Variants in FZD3 observed in about 807,000 individuals in gnomAD.
FZD3 encodes the protein frizzled class receptor 3.
A neutral mutation model predicts 60.7 loss-of-function variants in FZD3; 30 were observed. The ratio of observed to expected loss-of-function variants is 0.49; its 90% confidence interval spans 0.37 to 0.67. The LOEUF (loss-of-function observed/expected upper bound fraction) is 0.67, where lower values mean the gene tolerates loss of function less well. Among genes scored for constraint, FZD3 ranks in the 30% least tolerant of loss-of-function variants. The pLI is 0.00. For synonymous variants in FZD3, 246 were observed against 275.2 expected, an observed-to-expected ratio of 0.89 and a Z score of 1.05; for missense variants, 605 against 838.7, an observed-to-expected ratio of 0.72 and a Z score of 3.44.
chr8:28,546,353 A>C (rs1183219372), intron 5 of FZD3, among the ~76,000 whole-genome samples: 4 of 152,248 alleles, frequency 2.6e-5, no homozygotes, highest in Non-Finnish European at 5.9e-5. Context: ...AGATGCTGCA[A>C]ATCAGGGCTT....
At chr8:28,559,490 A>G (rs1805576844) in intron 7 of FZD3, among the ~76,000 whole-genome samples, 1 of 152,172 alleles carries the variant, frequency 6.6e-6, no homozygotes, top group Non-Finnish European at 1.5e-5. Flanking sequence ...CTAGGCATAT[A>G]TATATATAGT....
intron 4 of FZD3, among the ~76,000 whole-genome samples, chr8:28,524,473 T>C (rs935324697): frequency 6.6e-6 from 1 of 152,254 alleles, no homozygotes; most frequent in Non-Finnish European, 1.5e-5. Flanking sequence ...TCTGTATCAC[T>C]TAACTTTAAA....
At chr8:28,522,099 C>T (rs1804595415) in intron 4 of FZD3, among the ~76,000 whole-genome samples, 1 of 148,920 alleles carries the variant, frequency 6.7e-6, no homozygotes, top group Admixed American at 6.7e-5. Context: ...TTTCTTTTCT[C>T]TTCTCTTTTT....
At chr8:28,526,725 T>C (rs965277218) in intron 4 of FZD3, among the ~76,000 whole-genome samples, 5 of 152,210 alleles carry the variant, frequency 3.3e-5, no homozygotes, top group Admixed American at 1.3e-4. Context: ...AAGTTATGTA[T>C]GTGTTTGGCA....
chr8:28,530,089 C>CTGTGTGTGTGTGTGTG (rs59022036), intron 5 of FZD3, among the ~76,000 whole-genome samples: 1 of 138,594 alleles, frequency 7.2e-6, no homozygotes, highest in African/African-American at 2.7e-5. Flanking sequence ...TGAAATATAT[C>CTGTGTGTGTGTGTGTG]TGTGTGTGTG....
At chr8:28,555,605 T>C (rs1221666565) in intron 6 of FZD3, 133 bp from the exon 7 acceptor site, 2 of 633,480 alleles carry the variant, frequency 3.2e-6, no homozygotes, top group African/African-American at 3.7e-5. Flanking sequence ...ACAATGTTTC[T>C]TCATGTCAGT....
chr8:28,524,055 C>T (rs1804653969), intron 4 of FZD3, among the ~76,000 whole-genome samples: 1 of 152,112 alleles, frequency 6.6e-6, no homozygotes, highest in South Asian at 2.1e-4. Context: ...ACTTCCCAGC[C>T]TCTAGAGCTG....
At chr8:28,538,438 G>A (rs1805076753) in intron 5 of FZD3, among the ~76,000 whole-genome samples, 1 of 152,046 alleles carries the variant, frequency 6.6e-6, no homozygotes, top group Admixed American at 6.6e-5. Context: ...AGCCCAGTAA[G>A]TTATATTGTA....
rs1805661290 is a variant in FZD3, at chr8:28,563,951, T to C, written c.*940T>C. 1 of 152,698 alleles carries C rather than the reference T, an allele frequency of 6.5e-6. No homozygotes were observed. The highest frequency in any genetic ancestry group is 1.5e-5 in the Non-Finnish European group (1 of 68,054). The allele number at this position is 152,698 out of a possible 1,614,324, so 9.5% of individuals were successfully genotyped here. On this transcript the variant is annotated 3_prime_UTR_variant, in exon 8 of 8. Transcript: ENST00000240093. ...TGTATTTTTCTACAGTGAGATGTGA[T>C]CTTGCCAAAGCCACCAGACCTTGGC... is the stretch of plus-strand genomic sequence containing the variant.
intron 5 of FZD3, among the ~76,000 whole-genome samples, chr8:28,534,646 A>G (rs1766244739): frequency 6.6e-6 from 1 of 152,206 alleles, no homozygotes; most frequent in Admixed American, 6.5e-5. Flanking sequence ...GTCAACTACC[A>G]TTCTACTTTG....
chr8:28,570,587 T>C lies in FZD3; in HGVS notation c.*7576T>C, dbSNP rs13279049. ...TTGCAGTGAGCTGAGATCGCACCGC[T>C]GCACTCCAGCCTGGGCAACGGAGCG... is the stretch of plus-strand genomic sequence containing the variant. On this transcript the variant is annotated 3_prime_UTR_variant, in exon 8 of 8. Coordinates refer to ENST00000240093, the MANE Select transcript of FZD3 (RefSeq NM_017412.4). 0.54 allele frequency: 79,600 copies of C among 148,352 alleles called. 21,663 individuals carry two copies. The highest frequency in any genetic ancestry group is 0.63 in the South Asian group (2,966 of 4,688). 9.2% of individuals were successfully genotyped at this position (148,352 alleles called of 1,614,324 possible).
chr8:28,557,914 G>T (rs1805541823), intron 7 of FZD3, among the ~76,000 whole-genome samples: 1 of 152,200 alleles, frequency 6.6e-6, no homozygotes, highest in Non-Finnish European at 1.5e-5. Flanking sequence ...GGTGCATTGG[G>T]ATCTCAGAGA....
chr8:28,508,310 A>T (rs1804194900), intron 3 of FZD3, among the ~76,000 whole-genome samples: 1 of 152,090 alleles, frequency 6.6e-6, no homozygotes, highest in Non-Finnish European at 1.5e-5. Context: ...CAATTTCTTT[A>T]GGAAGCTCTG....
chr8:28,500,917 C>T (rs924965589), intron 2 of FZD3, among the ~76,000 whole-genome samples: 2 of 152,158 alleles, frequency 1.3e-5, no homozygotes, highest in East Asian at 3.9e-4. Context: ...CCTGCCACCA[C>T]GCCTGGCTAA....
intron 2 of FZD3, among the ~76,000 whole-genome samples, chr8:28,502,135 A>T (rs1314044794): frequency 1.3e-5 from 2 of 152,212 alleles, no homozygotes; most frequent in East Asian, 3.8e-4. Flanking sequence ...TTCTAGGTAC[A>T]TAGAAGTTAA....
intron 4 of FZD3, among the ~76,000 whole-genome samples, chr8:28,524,710 ACT>A (rs1467626755): frequency 6.6e-6 from 1 of 151,574 alleles, no homozygotes; most frequent in Non-Finnish European, 1.5e-5. Flanking sequence ...ACCTATTTTA[ACT>A]CTTATTTATA....
intron 2 of FZD3, among the ~76,000 whole-genome samples, chr8:28,501,861 C>A (rs1804002524): frequency 6.6e-6 from 1 of 152,080 alleles, no homozygotes; most frequent in Non-Finnish European, 1.5e-5. Flanking sequence ...TTTCTTAGTG[C>A]TACATCTGTG....
chr8:28,550,692 A>G (rs894828052), intron 5 of FZD3, among the ~76,000 whole-genome samples: 3 of 151,854 alleles, frequency 2.0e-5, no homozygotes, highest in Non-Finnish European at 4.4e-5. Flanking sequence ...GGGTTTTGCC[A>G]TCTTGGCCAG....
intron 5 of FZD3, among the ~76,000 whole-genome samples, chr8:28,548,876 G>A (rs949926804): frequency 1.3e-5 from 2 of 152,106 alleles, no homozygotes; most frequent in Admixed American, 6.5e-5. Context: ...GAAGTGGGGT[G>A]TGTTTTAAAA....
Sources: allele counts gnomAD v4.1 joint callset (sites outside exome capture counted in the v4.1 genomes callset), GRCh38; gene constraint gnomAD v4.1.1; transcripts MANE v1.5; gene names NCBI Gene and HGNC (gene_info 2026-07-23, HGNC 2026-07-21).